The following LINGO2 variants were observed in gnomAD, a reference collection of about 807,000 sequenced individuals.
LINGO2 encodes the protein leucine-rich repeat and immunoglobulin-like domain-containing nogo receptor-interacting protein 2.
Under a neutral mutation model 30.6 loss-of-function variants are expected in LINGO2, and 14 were observed. That is an observed-to-expected ratio of 0.46 (90% CI 0.30 to 0.72). LINGO2 has a LOEUF of 0.72. Ranked by LOEUF, LINGO2 falls within the 30% of genes least tolerant of loss-of-function variation. The probability of loss-of-function intolerance (pLI) is 0.07; values close to 1 mark genes in which losing one functional copy is unlikely to be tolerated. For missense variants in LINGO2, 729 were observed against 751.7 expected (o/e 0.97, Z 0.35); for synonymous variants, 317 against 288.5 (o/e 1.10, Z -1.00).
intron 4 of LINGO2, among the ~76,000 whole-genome samples, chr9:28,181,838 C>T (rs1819346743): frequency 6.6e-6 from 1 of 152,108 alleles, no homozygotes; most frequent in Non-Finnish European, 1.5e-5. Flanking sequence ...AGAGGTCCTT[C>T]TATCCTCATG....
intron 4 of LINGO2, among the ~76,000 whole-genome samples, chr9:28,221,660 T>C (rs1414421867): frequency 6.6e-6 from 1 of 152,176 alleles, no homozygotes; most frequent in African/African-American, 2.4e-5. Flanking sequence ...TGCAGCTATT[T>C]TTAGACAAAC....
At chr9:28,939,867 T>A in the LINGO2 span, among the ~76,000 whole-genome samples, 1 of 152,136 alleles carries the variant, frequency 6.6e-6, no homozygotes, top group Admixed American at 6.6e-5. Context: ...AGACCTGTAG[T>A]CCTCTATTAC....
the LINGO2 span, among the ~76,000 whole-genome samples, chr9:29,167,064 T>C: frequency 2.8e-4 from 42 of 152,068 alleles, no homozygotes; most frequent in Non-Finnish European, 4.9e-4. Flanking sequence ...AAATCCAAAA[T>C]ATACATTGTA....
intron 4 of LINGO2, among the ~76,000 whole-genome samples, chr9:28,088,225 C>T: frequency 6.6e-6 from 1 of 151,000 alleles, no homozygotes; most frequent in Non-Finnish European, 1.5e-5. Context: ...CACACACACA[C>T]ACACACACAC....
chr9:29,151,710 T>C, the LINGO2 span, among the ~76,000 whole-genome samples: 1 of 152,188 alleles, frequency 6.6e-6, no homozygotes, highest in Non-Finnish European at 1.5e-5. Context: ...ATTCTAAATA[T>C]ATACACATAA....
intron 4 of LINGO2, among the ~76,000 whole-genome samples, chr9:28,172,235 C>CA (rs1436353073): frequency 1.4e-5 from 2 of 147,430 alleles, no homozygotes; most frequent in African/African-American, 5.0e-5. Context: ...ACTAAAAATA[C>CA]AAAAAATTAG....
chr9:28,059,465 C>T (rs2133115231), intron 4 of LINGO2, among the ~76,000 whole-genome samples: 1 of 152,140 alleles, frequency 6.6e-6, no homozygotes, highest in Middle Eastern at 3.4e-3. Context: ...TCTGATCACC[C>T]CAACACAGGC....
At chr9:28,021,774 T>A (rs955659126) in intron 4 of LINGO2, among the ~76,000 whole-genome samples, 3 of 152,144 alleles carry the variant, frequency 2.0e-5, no homozygotes, top group African/African-American at 7.2e-5. Flanking sequence ...CTGAAGTCAG[T>A]TTCGTTTAAT....
At chr9:28,978,428 T>C in the LINGO2 span, among the ~76,000 whole-genome samples, 3 of 152,148 alleles carry the variant, frequency 2.0e-5, no homozygotes, top group Admixed American at 2.0e-4. Context: ...ATTGGAATCC[T>C]ACATCTTCTT....
intron 4 of LINGO2, among the ~76,000 whole-genome samples, chr9:28,076,133 C>G (rs1383316824): frequency 6.6e-6 from 1 of 152,076 alleles, no homozygotes; most frequent in Non-Finnish European, 1.5e-5. Context: ...TCTTTAAAAT[C>G]TGGTACCACA....
At chr9:28,884,667 C>CATAT in the LINGO2 span, among the ~76,000 whole-genome samples, 9,403 of 126,868 alleles carry the variant, frequency 0.074, 345 homozygotes, top group Admixed American at 0.11. Flanking sequence ...ATGTATTTTC[C>CATAT]ATATATATAT....
At chr9:28,310,832 A>G (rs1008800741) in intron 3 of LINGO2, among the ~76,000 whole-genome samples, 1 of 152,212 alleles carries the variant, frequency 6.6e-6, no homozygotes, top group African/African-American at 2.4e-5. Flanking sequence ...GTAGTAATTT[A>G]TTAAGAAACA....
At chr9:28,866,326 C>T in the LINGO2 span, among the ~76,000 whole-genome samples, 2 of 151,990 alleles carry the variant, frequency 1.3e-5, no homozygotes, top group African/African-American at 4.8e-5. Flanking sequence ...ATCCAGAACC[C>T]CTGTGTCATT....
the LINGO2 span, among the ~76,000 whole-genome samples, chr9:28,947,157 A>G: frequency 6.6e-6 from 1 of 152,044 alleles, no homozygotes; most frequent in Non-Finnish European, 1.5e-5. Context: ...CTATATCTAT[A>G]TCTATATATC....
chr9:28,649,864 C>A (rs1179946126), intron 1 of LINGO2, among the ~76,000 whole-genome samples: 1 of 151,904 alleles, frequency 6.6e-6, no homozygotes, highest in East Asian at 1.9e-4. Flanking sequence ...AGAGAGAGTG[C>A]AGAAAGGCTG....
the LINGO2 span, among the ~76,000 whole-genome samples, chr9:29,025,682 C>T: frequency 3.3e-5 from 5 of 152,126 alleles, no homozygotes; most frequent in African/African-American, 9.7e-5. Flanking sequence ...TTTACAGTCA[C>T]GCAGCATTTT....
chr9:28,506,467 C>T (rs1820129804), intron 1 of LINGO2, among the ~76,000 whole-genome samples: 1 of 7,418 alleles, frequency 1.3e-4, no homozygotes, highest in African/African-American at 2.1e-4. Context: ...TACACATACA[C>T]ACACACACAC....
chr9:28,055,523 G>A (rs1824888409), intron 4 of LINGO2, among the ~76,000 whole-genome samples: 1 of 152,172 alleles, frequency 6.6e-6, no homozygotes. Context: ...AGGTACTTCT[G>A]TGGATTGGCT....
At chr9:29,206,229 T>C in the LINGO2 span, among the ~76,000 whole-genome samples, 4 of 152,238 alleles carry the variant, frequency 2.6e-5, no homozygotes, top group Non-Finnish European at 4.4e-5. Flanking sequence ...TAGAGATTCA[T>C]GGGAGCATTT....
Sources: gnomAD v4.1 joint callset for allele counts (sites outside exome capture counted in the v4.1 genomes callset) on GRCh38, gnomAD v4.1.1 for gene constraint, MANE v1.5 for transcripts, NCBI Gene and HGNC (gene_info 2026-07-23, HGNC 2026-07-21) for gene names.